The following PLCL2 variants were observed in gnomAD, a reference collection of about 807,000 sequenced individuals.
PLCL2 encodes phospholipase C like 2.
A neutral mutation model predicts 79.6 loss-of-function variants in PLCL2; 4 were observed. That is an observed-to-expected ratio of 0.05 (90% confidence interval 0.02 to 0.11). The LOEUF is 0.11. Among genes scored for constraint, PLCL2 ranks in the 10% least tolerant of loss-of-function variants. The pLI is 1.00. For synonymous variants in PLCL2, 484 were observed against 457.7 expected (o/e 1.06, Z -0.73); for missense variants, 895 against 1,291.0 (o/e 0.69, Z 4.70).
At chr3:16,934,361 G>A (rs142411132) in intron 1 of PLCL2, among the ~76,000 whole-genome samples, 102 of 152,296 alleles carry the variant, frequency 6.7e-4, no homozygotes, top group African/African-American at 2.3e-3. Context: ...CCTGGAGAAT[G>A]TGAGGAACAT....
chr3:17,007,609 A>G (rs1486553851), intron 1 of PLCL2, among the ~76,000 whole-genome samples: 1 of 152,238 alleles, frequency 6.6e-6, no homozygotes, highest in Non-Finnish European at 1.5e-5. Flanking sequence ...TTTGAGGAAA[A>G]TGATACCCAT....
chr3:17,081,085 G>A (rs904994630), intron 5 of PLCL2: 4 of 436,062 alleles, frequency 9.2e-6, no homozygotes, highest in African/African-American at 4.0e-5. Flanking sequence ...TTTATGAAAC[G>A]AGAATGGTAA....
chr3:17,030,534 A>G lies in PLCL2; in HGVS notation c.3019-12340A>G, dbSNP rs146376965. 1.8e-4 allele frequency among the ~76,000 whole-genome samples: 28 copies of G among 152,314 alleles called. No homozygotes were observed. The East Asian group carries it at 5.4e-3, about 29-fold the overall frequency. On this transcript the variant is annotated intron_variant, in intron 3 of 5. Coordinates refer to ENST00000615277, the MANE Select transcript of PLCL2 (RefSeq NM_001144382.2). ...TTTAAAGTTCAAAATGAAAAGCAAAAGGTAAGTTCTCCCATCATCTTGCTA... is the reference window on the plus strand; with the variant it reads ...TTTAAAGTTCAAAATGAAAAGCAAAGGGTAAGTTCTCCCATCATCTTGCTA...
At chr3:16,971,180 G>T (rs1348639266) in intron 1 of PLCL2, among the ~76,000 whole-genome samples, 1 of 151,408 alleles carries the variant, frequency 6.6e-6, no homozygotes, top group Non-Finnish European at 1.5e-5. Flanking sequence ...TTCTTCTAGG[G>T]TTTTTATGGT....
intron 3 of PLCL2, among the ~76,000 whole-genome samples, chr3:17,017,484 C>G (rs997211275): frequency 2.0e-5 from 3 of 152,048 alleles, no homozygotes; most frequent in African/African-American, 7.2e-5. Context: ...TTTATTAAAG[C>G]TAGCCAGAAT....
chr3:17,069,764 G>A (rs549291032), intron 5 of PLCL2, among the ~76,000 whole-genome samples: 8 of 152,212 alleles, frequency 5.3e-5, no homozygotes, highest in Admixed American at 1.3e-4. Context: ...TTTTTCTCAC[G>A]TTAAACGTCT....
intron 1 of PLCL2, among the ~76,000 whole-genome samples, chr3:16,910,754 CA>C (rs1292400569): frequency 6.6e-6 from 1 of 151,962 alleles, no homozygotes; most frequent in East Asian, 1.9e-4. Flanking sequence ...ATCTGAAACA[CA>C]ACCCCCCCTT....
chr3:17,086,774 G>A (rs545212880), intron 5 of PLCL2, among the ~76,000 whole-genome samples: 5 of 151,372 alleles, frequency 3.3e-5, no homozygotes, highest in Middle Eastern at 3.4e-3. Context: ...AAAAGTCTGA[G>A]CAGTCAAAGA....
chr3:17,053,030 C>G (rs1274128159), intron 4 of PLCL2, among the ~76,000 whole-genome samples: 1 of 152,156 alleles, frequency 6.6e-6, no homozygotes, highest in Non-Finnish European at 1.5e-5. Context: ...CCTAACACCC[C>G]TGTTGTTGAA....
intron 1 of PLCL2, among the ~76,000 whole-genome samples, chr3:16,949,623 T>G (rs560074651): frequency 6.6e-6 from 1 of 152,290 alleles, no homozygotes; most frequent in South Asian, 2.1e-4. Flanking sequence ...TAAATTTAGA[T>G]GTAGTCAAAT....
chr3:17,025,510 A>G (rs1464366220), intron 3 of PLCL2, among the ~76,000 whole-genome samples: 1 of 152,218 alleles, frequency 6.6e-6, no homozygotes, highest in Non-Finnish European at 1.5e-5. Context: ...ATAAGAAAAA[A>G]TGGAATAATT....
chr3:16,898,468 T>A (rs1696537089), intron 1 of PLCL2, among the ~76,000 whole-genome samples: 1 of 152,190 alleles, frequency 6.6e-6, no homozygotes, highest in African/African-American at 2.4e-5. Context: ...CCTTTTGTCC[T>A]AAGGAATAGC....
At chr3:16,930,505 C>G (rs1435528222) in intron 1 of PLCL2, among the ~76,000 whole-genome samples, 1 of 152,132 alleles carries the variant, frequency 6.6e-6, no homozygotes, top group Non-Finnish European at 1.5e-5. Flanking sequence ...TTGATCAGAA[C>G]TGCTATAAAT....
At chr3:17,083,762 GAAT>G (rs2065187739) in intron 5 of PLCL2, among the ~76,000 whole-genome samples, 1 of 152,268 alleles carries the variant, frequency 6.6e-6, no homozygotes, top group East Asian at 1.9e-4. Context: ...AGGGAAGAAT[GAAT>G]AATGACACCA....
intron 1 of PLCL2, among the ~76,000 whole-genome samples, chr3:16,978,243 T>A (rs150662283): frequency 2.9e-4 from 44 of 152,358 alleles, no homozygotes; most frequent in Non-Finnish European, 5.0e-4. Flanking sequence ...ACCCTTTTTA[T>A]TGTTGAGAGG....
chr3:16,991,565 C>G (rs2064105835), intron 1 of PLCL2, among the ~76,000 whole-genome samples: 1 of 152,114 alleles, frequency 6.6e-6, no homozygotes. Flanking sequence ...ATTATATCTT[C>G]TAACTCAAGG....
At chr3:16,947,962 G>C (rs117801556) in intron 1 of PLCL2, among the ~76,000 whole-genome samples, 1,640 of 152,098 alleles carry the variant, frequency 0.011, 30 homozygotes, top group Admixed American at 0.046. Context: ...TATTTGGTAG[G>C]GATGAATAAA....
chr3:16,950,857 C>A (rs2063644540), intron 1 of PLCL2, among the ~76,000 whole-genome samples: 1 of 152,062 alleles, frequency 6.6e-6, no homozygotes, highest in Non-Finnish European at 1.5e-5. Context: ...TCTTCTAAAA[C>A]CACCATTGTA....
intron 1 of PLCL2, among the ~76,000 whole-genome samples, chr3:16,952,464 T>C (rs1274244486): frequency 6.6e-6 from 1 of 151,178 alleles, no homozygotes; most frequent in Non-Finnish European, 1.5e-5. Flanking sequence ...CAAAGATGCT[T>C]TTATGCATTA....
Sources: gnomAD v4.1 joint callset for allele counts (sites outside exome capture counted in the v4.1 genomes callset) on GRCh38, gnomAD v4.1.1 for gene constraint, MANE v1.5 for transcripts, NCBI Gene and HGNC (gene_info 2026-07-23, HGNC 2026-07-21) for gene names.